APCDD1L: variants seen among roughly 807,000 people sequenced by gnomAD.
APCDD1L encodes the protein APC down-regulated 1 like.
APCDD1L carries 21 observed loss-of-function variants against 24.2 expected under a neutral mutation model. The observed-to-expected ratio is 0.87, with a 90% confidence interval of 0.61 to 1.25. The LOEUF is 1.25. APCDD1L is among the 50% of genes most tolerant of loss of function. The pLI is 0.00. For missense variants in APCDD1L, 704 were observed against 711.7 expected (o/e 0.99, Z 0.12); for synonymous variants, 321 against 323.6 (o/e 0.99, Z 0.09).
chr20:58,514,924 T>C lies in APCDD1L; in HGVS notation c.-217A>G, dbSNP rs1048481951. 8 of 378,676 alleles carry C rather than the reference T, an allele frequency of 2.1e-5. No homozygotes were observed. The highest frequency in any genetic ancestry group is 1.4e-4 in the Admixed American group (3 of 21,752). 23.5% of individuals were successfully genotyped at this position (378,676 alleles called of 1,614,324 possible). On this transcript the variant is annotated 5_prime_UTR_variant, in exon 1 of 4. Transcript: ENST00000371149. ...GAGCTGCGCACTCATAGGTCCAACT[T>C]GCCAGAAGAGGTGGAGACAGCCCCC...
rs1042419516 is a variant in APCDD1L, at chr20:58,466,057, T to C, written c.741+1049A>G. ...GTCCACACCCTTGTAGGAGCCAGGC[T>C]CTGAGCTATGTGCCAGGAGCCATTA... is the stretch of plus-strand genomic sequence containing the variant. On this transcript the variant is annotated intron_variant, in intron 3 of 3. Transcript: ENST00000371149. 4.0e-5 allele frequency among the ~76,000 whole-genome samples: 6 copies of C among 149,270 alleles called. 1 individual carries two copies. The highest frequency in any genetic ancestry group is 1.5e-4 in the African/African-American group (6 of 40,468).
chr20:58,500,509 T>C (rs540236774), intron 1 of APCDD1L, among the ~76,000 whole-genome samples: 35 of 152,336 alleles, frequency 2.3e-4, no homozygotes, highest in African/African-American at 8.4e-4. Flanking sequence ...ACCTGGCCCA[T>C]AGCAGGTCCT....
chr20:58,462,461 T>C (rs1168309993), intron 3 of APCDD1L, among the ~76,000 whole-genome samples: 1 of 152,146 alleles, frequency 6.6e-6, no homozygotes, highest in East Asian at 1.9e-4. Flanking sequence ...AGGATTTTTG[T>C]CTTTAGAAAT....
At chr20:58,512,812 TAG>T (rs759400139) in intron 1 of APCDD1L, among the ~76,000 whole-genome samples, 70 of 152,278 alleles carry the variant, frequency 4.6e-4, no homozygotes, top group Non-Finnish European at 8.1e-4. Flanking sequence ...GTGCCCGGTG[TAG>T]AGCTGGGAGC....
intron 1 of APCDD1L, among the ~76,000 whole-genome samples, chr20:58,496,048 T>A (rs918973191): frequency 6.6e-6 from 1 of 152,222 alleles, no homozygotes; most frequent in African/African-American, 2.4e-5. Flanking sequence ...GGATAATTTT[T>A]ATGAGCAGAT....
chr20:58,498,805 C>A (rs1023381173), intron 1 of APCDD1L, among the ~76,000 whole-genome samples: 8 of 152,258 alleles, frequency 5.3e-5, no homozygotes, highest in Non-Finnish European at 1.2e-4. Flanking sequence ...TCATTGGAGA[C>A]ACATCCCCAT....
At chr20:58,486,989 G>A (rs541478329) in intron 1 of APCDD1L, among the ~76,000 whole-genome samples, 1 of 149,574 alleles carries the variant, frequency 6.7e-6, no homozygotes, top group South Asian at 2.1e-4. Flanking sequence ...AGCCTCCCAA[G>A]TAGCTGGGAT....
At chr20:58,504,176 G>T (rs1488702636) in intron 1 of APCDD1L, among the ~76,000 whole-genome samples, 1 of 152,206 alleles carries the variant, frequency 6.6e-6, no homozygotes, top group Non-Finnish European at 1.5e-5. Flanking sequence ...ACAGCAGATT[G>T]CTCAGGGCAA....
intron 1 of APCDD1L, among the ~76,000 whole-genome samples, chr20:58,498,534 G>A (rs1990367935): frequency 6.6e-6 from 1 of 152,244 alleles, no homozygotes; most frequent in South Asian, 2.1e-4. Context: ...GCCAGGGGCT[G>A]CTGGCCTCGG....
Position 58,508,754 on chromosome 20 carries a change from C to T in APCDD1L, c.49+5905G>A, listed in dbSNP as rs1025917720. Among the ~76,000 whole-genome samples, 2 of 152,170 alleles carry T rather than the reference C, an allele frequency of 1.3e-5. No individual in the cohort carries two copies. The highest frequency in any genetic ancestry group is 6.5e-5 in the Admixed American group (1 of 15,280). ...TTCTAGGGACCCGGGAAAGAACTGT[C>T]GATAAAACAGGCCAGGCCTTCTTCT... On this transcript the variant is annotated intron_variant, in intron 1 of 3. Coordinates refer to ENST00000371149, the MANE Select transcript of APCDD1L (RefSeq NM_153360.3). This position sits in a 1 kb window ranked among gnomAD's most constrained non-coding sequence, Gnocchi z 4.0.
At chr20:58,478,479 C>T (rs961620134) in intron 1 of APCDD1L, among the ~76,000 whole-genome samples, 1 of 151,826 alleles carries the variant, frequency 6.6e-6, no homozygotes, top group African/African-American at 2.4e-5. Flanking sequence ...CACGAGTCTG[C>T]CAGCCTCATG....
At chr20:58,492,064 G>A (rs1450276639) in intron 1 of APCDD1L, among the ~76,000 whole-genome samples, 6 of 152,098 alleles carry the variant, frequency 3.9e-5, no homozygotes, top group African/African-American at 9.7e-5. Flanking sequence ...TCCAATGGGC[G>A]GGGGGAGGAA....
chr20:58,472,779 G>A (rs1042172250), intron 1 of APCDD1L, among the ~76,000 whole-genome samples: 1 of 152,204 alleles, frequency 6.6e-6, no homozygotes, highest in African/African-American at 2.4e-5. Flanking sequence ...AAAGAGAGAG[G>A]CCGTGGTTGT....
intron 3 of APCDD1L, among the ~76,000 whole-genome samples, chr20:58,464,014 C>T (rs1486226158): frequency 6.6e-6 from 1 of 151,440 alleles, no homozygotes; most frequent in Admixed American, 6.6e-5. Context: ...GGATTTGGGC[C>T]CAGAGAGCTT....
rs777635496 is a variant in APCDD1L, at chr20:58,461,397, C to T, written c.899G>A (p.Arg300Gln). ...GCTGTGCCCGTGGAAAGTGAAGAGCCGGGTGAGGAACAGGACTGCTGGGCG... is the reference window on the plus strand; with the variant it reads ...GCTGTGCCCGTGGAAAGTGAAGAGCTGGGTGAGGAACAGGACTGCTGGGCG... ...EVRPAVLFLTRLFTFHGHSRS... is the reference protein window; with the variant it reads ...EVRPAVLFLTQLFTFHGHSRS... Residue 300 changes from arginine to glutamine, a missense_variant, in exon 4 of 4, where the codon CGG becomes CAG. Physicochemically the swap from Arg to Gln is conservative, Grantham distance 43 (BLOSUM62 1). Coordinates refer to ENST00000371149, the MANE Select transcript of APCDD1L (RefSeq NM_153360.3). The surrounding 1 kb of genome is among the most constrained non-coding windows in gnomAD (Gnocchi z 6.0). 7.1e-6 allele frequency: 11 copies of T among 1,553,618 alleles called. No individual in the cohort carries two copies. The highest frequency in any genetic ancestry group is 4.1e-5 in the African/African-American group (3 of 73,708).
At chr20:58,492,977 TCACA>T (rs1438934567) in intron 1 of APCDD1L, among the ~76,000 whole-genome samples, 1 of 113,454 alleles carries the variant, frequency 8.8e-6, no homozygotes, top group Non-Finnish European at 1.8e-5. Flanking sequence ...ACACATGCAC[TCACA>T]CACAATGCAA....
chr20:58,463,334 A>C (rs916677396), intron 3 of APCDD1L, among the ~76,000 whole-genome samples: 1 of 151,964 alleles, frequency 6.6e-6, no homozygotes, highest in Admixed American at 6.6e-5. Flanking sequence ...CCAGGCTATG[A>C]GTTGGTTTTC....
At chr20:58,513,712 G>A (rs983724827) in intron 1 of APCDD1L, 9 of 431,050 alleles carry the variant, frequency 2.1e-5, no homozygotes, top group Non-Finnish European at 4.2e-5. Flanking sequence ...CCTCCTGCAC[G>A]TGCTCTCGTA....
chr20:58,474,011 C>T (rs1473591273), intron 1 of APCDD1L, among the ~76,000 whole-genome samples: 1 of 152,180 alleles, frequency 6.6e-6, no homozygotes, highest in South Asian at 2.1e-4. Flanking sequence ...GAACAAATAC[C>T]ATATGGACCT....
Sources: allele counts gnomAD v4.1 joint callset (sites outside exome capture counted in the v4.1 genomes callset), GRCh38; gene constraint gnomAD v4.1.1; non-coding constraint Gnocchi (gnomAD v3.1); transcripts MANE v1.5; gene names NCBI Gene and HGNC (gene_info 2026-07-23, HGNC 2026-07-21).